BMP6: variants seen among roughly 807,000 people sequenced by gnomAD.
The protein encoded by BMP6 is bone morphogenetic protein 6, also known as VG-1-R.
BMP6 carries 17 observed loss-of-function variants against 54.1 expected under a neutral mutation model. The ratio of observed to expected loss-of-function variants is 0.31; its 90% CI spans 0.22 to 0.47. The LOEUF (loss-of-function observed/expected upper bound fraction) is 0.47, where lower values mean the gene tolerates loss of function less well. Among genes scored for constraint, BMP6 ranks in the 20% least tolerant of loss-of-function variants. BMP6 has a pLI of 1.00. For missense variants in BMP6, 720 were observed against 690.4 expected (o/e 1.04, Z -0.48); for synonymous variants, 328 against 291.2 (o/e 1.13, Z -1.28).
At chr6:7,875,630 T>C (rs1759604029) in intron 4 of BMP6, among the ~76,000 whole-genome samples, 2 of 152,194 alleles carry the variant, frequency 1.3e-5, no homozygotes, top group South Asian at 4.1e-4. Context: ...ATTGTGCCAC[T>C]GTGCTCCAGC....
rs1758271443 is a variant in BMP6, at chr6:7,801,637, G to GA, written c.665-43497dup. Reference sequence around the variant, plus strand: ...GTCCAGATAATAGAGTAGTGTCAGAGAAAAAATTTCCCACCACTTTTCCCT... The same window carrying GA: ...GTCCAGATAATAGAGTAGTGTCAGAGAAAAAAATTTCCCACCACTTTTCCCT... On this transcript the variant is annotated intron_variant, in intron 1 of 6. Coordinates refer to ENST00000283147, the MANE Select transcript of BMP6 (RefSeq NM_001718.6). Among the ~76,000 whole-genome samples the GA allele has an allele frequency of 4.6e-5, 7 of 152,204 alleles. No homozygotes were observed. The South Asian group carries it at 1.4e-3, about 32-fold the overall frequency.
At chr6:7,756,052 T>C (rs1394077749) in intron 1 of BMP6, among the ~76,000 whole-genome samples, 2 of 152,070 alleles carry the variant, frequency 1.3e-5, no homozygotes, top group African/African-American at 4.8e-5. Flanking sequence ...TTTCTATCTG[T>C]GAGTTTATAG....
chr6:7,815,453 C>G (rs531504451), intron 1 of BMP6, among the ~76,000 whole-genome samples: 73 of 152,258 alleles, frequency 4.8e-4, no homozygotes, highest in Admixed American at 8.5e-4. Context: ...AGAAATAAAT[C>G]AGATGTTTAT....
At chr6:7,781,561 C>A (rs980294024) in intron 1 of BMP6, among the ~76,000 whole-genome samples, 2 of 151,584 alleles carry the variant, frequency 1.3e-5, no homozygotes, top group Non-Finnish European at 3.0e-5. Context: ...CGCCTCACCA[C>A]ATTATTTAAT....
At chr6:7,733,011 G>A (rs1467430474) in intron 1 of BMP6, among the ~76,000 whole-genome samples, 2 of 151,570 alleles carry the variant, frequency 1.3e-5, no homozygotes, top group African/African-American at 2.4e-5. Flanking sequence ...CAATTCTCCT[G>A]TGTCAGCCTC....
At chr6:7,879,291 C>A in intron 5 of BMP6, 141 bp downstream of exon 5, 1 of 870,000 alleles carries the variant, frequency 1.1e-6, no homozygotes, top group Admixed American at 2.3e-5. Context: ...GGAGCCCTCC[C>A]AAATGCTCAG....
intron 1 of BMP6, among the ~76,000 whole-genome samples, chr6:7,799,645 G>A (rs939907893): frequency 7.9e-5 from 12 of 151,196 alleles, no homozygotes; most frequent in African/African-American, 1.9e-4. Flanking sequence ...AGTCCTCACC[G>A]CTCAGCTTAC....
At chr6:7,742,020 G>T (rs1332368362) in intron 1 of BMP6, among the ~76,000 whole-genome samples, 1 of 152,228 alleles carries the variant, frequency 6.6e-6, no homozygotes, top group African/African-American at 2.4e-5. Flanking sequence ...TAAAACTGGT[G>T]TATGCCGTCT....
intron 4 of BMP6, among the ~76,000 whole-genome samples, chr6:7,875,621 TTG>T (rs1759603739): frequency 6.6e-6 from 1 of 152,160 alleles, no homozygotes; most frequent in Admixed American, 6.6e-5. Context: ...TGAGCCATGA[TTG>T]TGCCACTGTG....
chr6:7,780,903 G>A (rs1166102596), intron 1 of BMP6, among the ~76,000 whole-genome samples: 1 of 151,998 alleles, frequency 6.6e-6, no homozygotes, highest in African/African-American at 2.4e-5. Context: ...TAGAGATGGA[G>A]TTTCAACATG....
intron 1 of BMP6, among the ~76,000 whole-genome samples, chr6:7,775,172 C>T (rs1216997012): frequency 6.6e-6 from 1 of 152,192 alleles, no homozygotes. Context: ...CTTTGGGGGA[C>T]ACCTTCAAAC....
chr6:7,767,744 G>C (rs765637373), intron 1 of BMP6, among the ~76,000 whole-genome samples: 35 of 152,156 alleles, frequency 2.3e-4, no homozygotes, highest in Non-Finnish European at 4.4e-4. Flanking sequence ...GCCCTGCTAC[G>C]TCTGAGTCTG....
rs139157581 is a variant in BMP6 at position 7,816,322 on chromosome 6, G to A, written c.665-28818G>A. 2.0e-3 allele frequency among the ~76,000 whole-genome samples: 305 copies of A among 152,252 alleles called. 2 individuals carry two copies. The highest frequency in any genetic ancestry group is 6.7e-3 in the African/African-American group (279 of 41,542). On this transcript the variant is annotated intron_variant, in intron 1 of 6. Transcript: ENST00000283147. The stretch of plus-strand genomic sequence containing the variant: ...GTGGGCTCTTCGTTTAATCCCCTCC[G>A]TAATCCACAGAACAGATATCCTCCC...
intron 1 of BMP6, among the ~76,000 whole-genome samples, chr6:7,759,696 C>CTTTTTTTTTTTTTTTT (rs71542880): frequency 3.2e-5 from 2 of 62,148 alleles, no homozygotes; most frequent in Admixed American, 2.7e-4. Context: ...CTTTCTTCTT[C>CTTTTTTTTTTTTTTTT]TTTTTTTTTT....
At chr6:7,851,031 A>G (rs1319895640) in intron 2 of BMP6, among the ~76,000 whole-genome samples, 3 of 152,276 alleles carry the variant, frequency 2.0e-5, no homozygotes, top group Admixed American at 2.0e-4. Flanking sequence ...CTTCAGTTTT[A>G]TAATAAGGCT....
chr6:7,858,820 A>G (rs1238468205), intron 2 of BMP6, among the ~76,000 whole-genome samples: 2 of 150,074 alleles, frequency 1.3e-5, no homozygotes, highest in African/African-American at 2.5e-5. Flanking sequence ...TAAACATTGA[A>G]GTCCAAGCCT....
In BMP6 at chr6:7,796,955, T is replaced by G. The variant is rs539764172; in HGVS notation, c.665-48185T>G. Among the ~76,000 whole-genome samples the G allele has an allele frequency of 4.6e-5, 7 of 152,350 alleles. No homozygotes were observed. The South Asian group carries it at 1.0e-3, about 23-fold the overall frequency. On this transcript the variant is annotated intron_variant, in intron 1 of 6. Coordinates refer to ENST00000283147, the MANE Select transcript of BMP6 (RefSeq NM_001718.6). ...ACAATCATAGGCTCATAAACAGAAC[T>G]CCAATGCGTTGTTTCTGTTTCTCTT... is the stretch of plus-strand genomic sequence containing the variant.
chr6:7,770,473 A>G (rs753109198), intron 1 of BMP6, among the ~76,000 whole-genome samples: 38 of 152,168 alleles, frequency 2.5e-4, no homozygotes, highest in Non-Finnish European at 4.3e-4. Flanking sequence ...AGTTTTTTTC[A>G]CGATTTGTCT....
chr6:7,872,006 G>T (rs1322757525), intron 4 of BMP6, among the ~76,000 whole-genome samples: 1 of 152,114 alleles, frequency 6.6e-6, no homozygotes, highest in Non-Finnish European at 1.5e-5. Context: ...CTGGCGGCGG[G>T]GGTGGTGGGG....
Sources: gnomAD v4.1 joint callset for allele counts (sites outside exome capture counted in the v4.1 genomes callset) on GRCh38, gnomAD v4.1.1 for gene constraint, MANE v1.5 for transcripts, NCBI Gene and HGNC (gene_info 2026-07-23, HGNC 2026-07-21) for gene names.